RFX4: variants seen among roughly 807,000 people sequenced by gnomAD.
RFX4 encodes transcription factor RFX4.
In RFX4, 10 loss-of-function variants were observed where a neutral mutation model predicts 95.0. The observed-to-expected ratio is 0.11, with a 90% CI of 0.06 to 0.18. The LOEUF is 0.18. Among genes scored for constraint, RFX4 ranks in the 10% least tolerant of loss-of-function variants. RFX4 has a pLI of 1.00. For synonymous variants in RFX4, 321 were observed against 340.7 expected, an observed-to-expected ratio of 0.94 and a Z score of 0.64; for missense variants, 640 against 922.0, an observed-to-expected ratio of 0.69 and a Z score of 3.96.
At chr12:106,601,116 C>T (rs2039696315) in intron 1 of RFX4, 2 of 1,417,974 alleles carry the variant, frequency 1.4e-6, no homozygotes, top group Non-Finnish European at 1.9e-6. Flanking sequence ...ACCCAGCAGC[C>T]CCTGGGGCAG....
chr12:106,606,097 G>A (rs542735160), intron 1 of RFX4, among the ~76,000 whole-genome samples: 4 of 152,258 alleles, frequency 2.6e-5, no homozygotes, highest in African/African-American at 2.4e-5. Context: ...CGGGAATGTT[G>A]CCACGAAGTT....
At chr12:106,599,471 GTGATGATGATGATGATGA>G (rs3067521) in intron 1 of RFX4, among the ~76,000 whole-genome samples, 1 of 150,572 alleles carries the variant, frequency 6.6e-6, no homozygotes, top group African/African-American at 2.5e-5. Context: ...AGTCATCGCT[GTGATGATGATGATGATGA>G]TGATGATGAT....
intron 13 of RFX4, 109 bp from the exon 14 acceptor site, chr12:106,732,021 T>G: frequency 6.7e-7 from 1 of 1,484,434 alleles, no homozygotes; most frequent in Non-Finnish European, 9.1e-7. Flanking sequence ...AAAATTAGAC[T>G]CTTGAGCAGA....
rs549683558 is a variant in RFX4 at position 106,626,399 on chromosome 12, C to T, written c.131-12933C>T. Among the ~76,000 whole-genome samples the T allele has an allele frequency of 5.3e-5, 8 of 152,260 alleles. No individual in the cohort carries two copies. The South Asian group carries it at 1.7e-3, about 32-fold the overall frequency. On this transcript the variant is annotated intron_variant, in intron 2 of 17. Transcript: ENST00000392842. ...TCGGGGGAGGCAGAAAGCTACGAGA[C>T]TGGTCTTGAGCTTGGAGAGTTTTCC...
At chr12:106,749,492 A>G (rs546067549) in intron 16 of RFX4, among the ~76,000 whole-genome samples, 1 of 152,160 alleles carries the variant, frequency 6.6e-6, no homozygotes, top group Non-Finnish European at 1.5e-5. Context: ...TGAGCAGTCA[A>G]TCGGGCAACC....
At chr12:106,663,247 G>C (rs944138155) in intron 4 of RFX4, among the ~76,000 whole-genome samples, 3 of 151,818 alleles carry the variant, frequency 2.0e-5, no homozygotes, top group African/African-American at 7.3e-5. Context: ...AGAATTTTGT[G>C]GTTTTCCTCG....
At chr12:106,656,734 A>G (rs2040966507) in intron 4 of RFX4, among the ~76,000 whole-genome samples, 1 of 151,350 alleles carries the variant, frequency 6.6e-6, no homozygotes, top group African/African-American at 2.4e-5. Flanking sequence ...CCCCCACCAA[A>G]TGTCTCTCTT....
At chr12:106,629,239 A>G (rs1359570851) in intron 2 of RFX4, among the ~76,000 whole-genome samples, 1 of 152,120 alleles carries the variant, frequency 6.6e-6, no homozygotes, top group Non-Finnish European at 1.5e-5. Flanking sequence ...CATTGTGAGG[A>G]TGCATTCTAA....
chr12:106,641,935 A>G (rs11609380), intron 3 of RFX4, among the ~76,000 whole-genome samples: 19,545 of 147,244 alleles, frequency 0.13, 1,302 homozygotes, highest in African/African-American at 0.18. Flanking sequence ...GGAAATATCT[A>G]TATCTATGTC....
In RFX4 at chr12:106,737,573, TA is replaced by T. The variant is rs566097858; in HGVS notation, c.1633+4490del. 5.1e-4 allele frequency among the ~76,000 whole-genome samples: 77 copies of T among 152,290 alleles called. 5 individuals are homozygous for T. In the South Asian group the frequency reaches 0.016, roughly 31 times the overall value. On this transcript the variant is annotated intron_variant, in intron 15 of 17. Coordinates refer to ENST00000392842, the MANE Select transcript of RFX4 (RefSeq NM_213594.3). ...AGTATATATCCCAGAGACTTTTGAT[TA>T]ATTCCTTCCCCAAAGTTTCCTCTCT...
chr12:106,619,967 AT>A (rs997633903), intron 2 of RFX4, among the ~76,000 whole-genome samples: 8 of 149,812 alleles, frequency 5.3e-5, no homozygotes, highest in African/African-American at 2.0e-4. Flanking sequence ...GATATTCTCC[AT>A]TTTTTCTTCT....
intron 2 of RFX4, among the ~76,000 whole-genome samples, chr12:106,610,513 C>T (rs2039939133): frequency 6.6e-6 from 1 of 152,106 alleles, no homozygotes; most frequent in Non-Finnish European, 1.5e-5. Context: ...TACTTTCTGC[C>T]TCTGTTAATT....
intron 1 of RFX4, 104 bp downstream of exon 1, chr12:106,583,467 A>T (rs1043190964): frequency 4.6e-6 from 5 of 1,092,796 alleles, no homozygotes; most frequent in Middle Eastern, 4.2e-4. Context: ...GGTCAACTTG[A>T]CAGTGGAACC....
intron 16 of RFX4, among the ~76,000 whole-genome samples, chr12:106,749,212 C>T (rs996832575): frequency 2.7e-5 from 4 of 149,210 alleles, no homozygotes; most frequent in East Asian, 2.0e-4. Context: ...GCTGAGATCG[C>T]GCCACTGCAT....
chr12:106,612,837 C>CAAA (rs779953907), intron 2 of RFX4, among the ~76,000 whole-genome samples: 1 of 113,756 alleles, frequency 8.8e-6, no homozygotes, highest in Non-Finnish European at 1.9e-5. Flanking sequence ...GACTACGTCT[C>CAAA]AAAAAAAAAA....
At chr12:106,684,784 A>AAAG (rs5800715) in intron 5 of RFX4, 846,715 of 1,546,648 alleles carry the variant, frequency 0.55, 237,805 homozygotes, top group African/African-American at 0.86. Context: ...CGCTCAGCAC[A>AAAG]AAGAATTTTC....
chr12:106,670,414 G>A (rs930487116), intron 4 of RFX4, among the ~76,000 whole-genome samples: 2 of 152,156 alleles, frequency 1.3e-5, no homozygotes, highest in East Asian at 1.9e-4. Context: ...AGGACAATGA[G>A]GTGTTCACAT....
At chr12:106,635,412 A>C (rs1181558158) in intron 2 of RFX4, among the ~76,000 whole-genome samples, 3 of 152,062 alleles carry the variant, frequency 2.0e-5, no homozygotes, top group Non-Finnish European at 4.4e-5. Context: ...TCCCAGGCTC[A>C]AGAGACTCTT....
At chr12:106,636,345 G>T (rs1046866245) in intron 2 of RFX4, among the ~76,000 whole-genome samples, 109 of 149,948 alleles carry the variant, frequency 7.3e-4, no homozygotes, top group African/African-American at 2.5e-3. Flanking sequence ...AGCTGAGATC[G>T]TGCCATTGCA....
Sources: allele counts gnomAD v4.1 joint callset (sites outside exome capture counted in the v4.1 genomes callset), GRCh38; gene constraint gnomAD v4.1.1; transcripts MANE v1.5; gene names NCBI Gene and HGNC (gene_info 2026-07-23, HGNC 2026-07-21).